Variants in ZMYM2 observed in about 807,000 individuals in gnomAD.
ZMYM2 encodes the protein zinc finger MYM-type protein 2.
A neutral mutation model predicts 162.8 loss-of-function variants in ZMYM2; 56 were observed. The ratio of observed to expected loss-of-function variants is 0.34; its 90% CI spans 0.28 to 0.43. The LOEUF is 0.43. Among genes scored for constraint, ZMYM2 ranks in the 20% least tolerant of loss-of-function variants. The pLI is 1.00. For missense variants in ZMYM2, 1,275 were observed against 1,621.8 expected (o/e 0.79, Z 3.67); for synonymous variants, 510 against 541.6 (o/e 0.94, Z 0.81).
chr13:19,993,510 T>C lies in ZMYM2; in HGVS notation c.438T>C (p.Thr146=). 1 of 1,614,060 alleles carries C rather than the reference T, an allele frequency of 6.2e-7. No homozygotes were observed. Residue 146 remains threonine (T), a synonymous_variant, in exon 3 of 25, where the codon ACT becomes ACC. Transcript: ENST00000610343. ...TTATTGAACGAAGACCTCCTGAGAC[T>C]AAAAACAGAACCAATGATGTGGATT... is the stretch of plus-strand genomic sequence containing the variant. ...SNFIERRPPE[T]KNRTNDVDFS... is the part of the protein sequence containing the mutation.
intron 2 of ZMYM2, among the ~76,000 whole-genome samples, chr13:19,963,316 G>A (rs1955447611): frequency 6.6e-6 from 1 of 152,090 alleles, no homozygotes; most frequent in African/African-American, 2.4e-5. Context: ...TTATATTCCT[G>A]TCAAAGCATA....
the ZMYM2 span, among the ~76,000 whole-genome samples, chr13:19,876,392 G>A: frequency 6.6e-6 from 1 of 151,298 alleles, no homozygotes; most frequent in African/African-American, 2.4e-5. Flanking sequence ...GCACGATCTC[G>A]GCTCACTGCA....
chr13:20,004,085 C>G (rs1265107705), intron 4 of ZMYM2, among the ~76,000 whole-genome samples: 6 of 152,310 alleles, frequency 3.9e-5, no homozygotes, highest in South Asian at 2.1e-4. Flanking sequence ...ATATTTAGAT[C>G]TTGAATTTTA....
chr13:19,928,190 T>G, the ZMYM2 span, among the ~76,000 whole-genome samples: 1 of 152,158 alleles, frequency 6.6e-6, no homozygotes, highest in Non-Finnish European at 1.5e-5. Context: ...TTTATTTCTT[T>G]GTAGAGGCGA....
At chr13:20,051,858 A>G (rs1955381065) in intron 13 of ZMYM2, among the ~76,000 whole-genome samples, 1 of 152,200 alleles carries the variant, frequency 6.6e-6, no homozygotes, top group Admixed American at 6.5e-5. Flanking sequence ...CAGTGCTATA[A>G]CACAAATTTT....
chr13:20,007,101 C>G (rs1488099517), intron 6 of ZMYM2, among the ~76,000 whole-genome samples: 4 of 151,688 alleles, frequency 2.6e-5, no homozygotes, highest in Non-Finnish European at 5.9e-5. Flanking sequence ...TTGAAGTGGT[C>G]GTATTGTTTA....
At position 20,086,151 on chromosome 13, in the gene ZMYM2, A is replaced by G. The variant is rs2141083193; in HGVS notation, c.*137A>G. ...CAGTGTACCCACGCTGGGTATTACC[A>G]TGTAAATAATCTGTGAGTGAAAGTT... On this transcript the variant is annotated 3_prime_UTR_variant, in exon 25 of 25. Coordinates refer to ENST00000610343, the MANE Select transcript of ZMYM2 (RefSeq NM_197968.4). The G allele has an allele frequency of 1.4e-6, 1 of 738,772 alleles. No individual in the cohort carries two copies. Among genetic ancestry groups the G allele is most frequent in the Admixed American group, 3.2e-5 (1 of 31,220 alleles). 45.8% of individuals were successfully genotyped at this position (738,772 alleles called of 1,614,324 possible).
chr13:20,045,091 T>TGAC (rs1954644365), intron 12 of ZMYM2, among the ~76,000 whole-genome samples: 1 of 148,562 alleles, frequency 6.7e-6, no homozygotes, highest in Non-Finnish European at 1.5e-5. Context: ...AGACAGACAT[T>TGAC]ATCATGACTT....
chr13:19,913,461 A>C, the ZMYM2 span, among the ~76,000 whole-genome samples: 1 of 152,134 alleles, frequency 6.6e-6, no homozygotes, highest in Non-Finnish European at 1.5e-5. Context: ...ACAGTGGCTC[A>C]CACGTGTAAT....
At chr13:20,071,622 T>A (rs919136463) in intron 21 of ZMYM2, among the ~76,000 whole-genome samples, 26 of 152,354 alleles carry the variant, frequency 1.7e-4, no homozygotes, top group African/African-American at 6.3e-4. Context: ...GCACTCTCTC[T>A]TTCCACCTGA....
Position 19,980,424 on chromosome 13 carries a change from C to A in ZMYM2, c.-10-12639C>A, listed in dbSNP as rs550500362. 5.3e-5 allele frequency among the ~76,000 whole-genome samples: 8 copies of A among 152,064 alleles called. No homozygotes were observed. In the South Asian group the frequency reaches 1.7e-3, roughly 32 times the overall value. On this transcript the variant is annotated intron_variant, in intron 2 of 24. Coordinates refer to ENST00000610343, the MANE Select transcript of ZMYM2 (RefSeq NM_197968.4). ...TTATTTATTGTAGCTTCATAATATGCCAGTTTCTTCTGTTACTCATCTCTT... is the reference window on the plus strand; with the variant it reads ...TTATTTATTGTAGCTTCATAATATGACAGTTTCTTCTGTTACTCATCTCTT...
chr13:20,084,818 T>C (rs766865730), intron 24 of ZMYM2, among the ~76,000 whole-genome samples: 1 of 152,352 alleles, frequency 6.6e-6, no homozygotes, highest in Middle Eastern at 3.4e-3. Context: ...CTTCCCTGTT[T>C]AAACAAATTT....
chr13:20,014,118 G>T (rs186699722), intron 6 of ZMYM2, among the ~76,000 whole-genome samples: 3 of 152,252 alleles, frequency 2.0e-5, no homozygotes, highest in East Asian at 1.9e-4. Flanking sequence ...GTGTCACCCA[G>T]GCTGGAGTGC....
chr13:20,075,742 C>T (rs912845075), intron 21 of ZMYM2, among the ~76,000 whole-genome samples: 2 of 137,676 alleles, frequency 1.5e-5, no homozygotes, highest in African/African-American at 2.9e-5. Context: ...AGTGCAGTGG[C>T]GCCATCTCGG....
rs1449211855 is a variant in ZMYM2, at chr13:20,062,859, A to C, written c.2925A>C (p.Glu975Asp). Residue 975 changes from glutamate (E) to aspartate (D), a missense_variant, in exon 18 of 25, where the codon GAA becomes GAC. By Grantham distance (45) the Glu-to-Asp change is conservative (BLOSUM62 2). This residue lies in a region of ZMYM2 where 229 missense variants were observed against 283.8 expected (regional missense o/e 0.81). Transcript: ENST00000610343. Reference protein sequence around the residue: ...ETTNINSVIIETDIIGSDLLK... With the variant: ...ETTNINSVIIDTDIIGSDLLK... The stretch of plus-strand genomic sequence containing the variant: ...GATTGATTTCAGGTGTAATTATTGA[A>C]ACAGATATAATTGGTTCAGACCTTT... The C allele has an allele frequency of 2.5e-6, 4 of 1,574,162 alleles. No homozygotes were observed. The African/African-American group carries it at 5.4e-5, about 21-fold the overall frequency.
chr13:19,940,685 C>T, the ZMYM2 span, among the ~76,000 whole-genome samples: 1 of 152,226 alleles, frequency 6.6e-6, no homozygotes, highest in South Asian at 2.1e-4. Context: ...TCAGCCATTT[C>T]CTTGACTACA....
the ZMYM2 span, among the ~76,000 whole-genome samples, chr13:19,927,189 T>C: frequency 6.6e-6 from 1 of 152,038 alleles, no homozygotes; most frequent in Non-Finnish European, 1.5e-5. Flanking sequence ...GTATTTGTTA[T>C]TAAAAAAATT....
chr13:19,980,090 ATT>A (rs1168935497), intron 2 of ZMYM2, among the ~76,000 whole-genome samples: 1 of 151,762 alleles, frequency 6.6e-6, no homozygotes, highest in Admixed American at 6.6e-5. Flanking sequence ...CTTGTAATTT[ATT>A]TTTACATTAA....
chr13:19,919,681 T>A, the ZMYM2 span, among the ~76,000 whole-genome samples: 1 of 2,694 alleles, frequency 3.7e-4, no homozygotes, highest in African/African-American at 5.4e-4. Context: ...TTTCTTTTTC[T>A]TTTTTTTTTT....
Sources: gnomAD v4.1 joint callset for allele counts (sites outside exome capture counted in the v4.1 genomes callset) on GRCh38, gnomAD v4.1.1 for gene constraint, gnomAD v4.1.1 regional missense constraint, MANE v1.5 for transcripts, NCBI Gene and HGNC (gene_info 2026-07-23, HGNC 2026-07-21) for gene names.